Variants in ZNRF1 observed in about 807,000 individuals in gnomAD.
The protein encoded by ZNRF1 is E3 ubiquitin-protein ligase ZNRF1.
A neutral mutation model predicts 18.4 loss-of-function variants in ZNRF1; 3 were observed. That is an observed-to-expected ratio of 0.16 (90% confidence interval 0.07 to 0.42). ZNRF1 has a LOEUF of 0.42. ZNRF1 is among the 10% of genes least tolerant of loss of function. The pLI is 0.99. For missense variants in ZNRF1, 310 were observed against 329.8 expected (o/e 0.94, Z 0.47); for synonymous variants, 157 against 144.2 (o/e 1.09, Z -0.64).
In ZNRF1 at chr16:75,073,210, C is replaced by G. The variant is rs115395514; in HGVS notation, c.425-20362C>G. The stretch of plus-strand genomic sequence containing the variant: ...TACACACATAGATATGTATACGTAT[C>G]TATATACATAGATTTATATACATAA... On this transcript the variant is annotated intron_variant, in intron 1 of 4. Transcript: ENST00000335325. Among the ~76,000 whole-genome samples the G allele has an allele frequency of 1.3e-3, 199 of 150,576 alleles. 1 individual carries two copies. The highest frequency in any genetic ancestry group is 4.7e-3 in the African/African-American group (193 of 40,958).
rs373334453 is a variant in ZNRF1, at chr16:75,099,093, A to G, written c.520+5426A>G. ...GAGACGGGTGGTGTTTTCCAGCCCCAAGGGAAGACACCCTTATGGCCTGGT... is the reference window on the plus strand; with the variant it reads ...GAGACGGGTGGTGTTTTCCAGCCCCGAGGGAAGACACCCTTATGGCCTGGT... On this transcript the variant is annotated intron_variant, in intron 2 of 4. Transcript: ENST00000335325. 1.3e-4 allele frequency among the ~76,000 whole-genome samples: 20 copies of G among 152,280 alleles called. 2 individuals carry two copies. Among genetic ancestry groups the G allele is most frequent in the South Asian group, 1.0e-3 (5 of 4,820 alleles).
chr16:75,105,556 G>A (rs2036305747), intron 3 of ZNRF1: 1 of 152,570 alleles, frequency 6.6e-6, no homozygotes, highest in African/African-American at 2.4e-5. Context: ...GCCTTTCAAA[G>A]CCTGACTCTC....
intron 1 of ZNRF1, among the ~76,000 whole-genome samples, chr16:75,038,789 C>T (rs942420257): frequency 1.3e-5 from 2 of 152,132 alleles, no homozygotes; most frequent in African/African-American, 4.8e-5. Context: ...TTCCAGTGTG[C>T]AAGATGATGA....
intron 1 of ZNRF1, among the ~76,000 whole-genome samples, chr16:75,079,136 A>G (rs904694490): frequency 2.0e-5 from 3 of 152,218 alleles, no homozygotes; most frequent in African/African-American, 7.2e-5. Context: ...TAGGGAGCTT[A>G]GAATTCATGG....
chr16:75,088,563 G>T (rs1189224147), intron 1 of ZNRF1, among the ~76,000 whole-genome samples: 1 of 152,206 alleles, frequency 6.6e-6, no homozygotes, highest in Non-Finnish European at 1.5e-5. Flanking sequence ...ATAGCTGGTA[G>T]TATTTCTGTT....
chr16:75,082,528 A>C (rs572286677), intron 1 of ZNRF1, among the ~76,000 whole-genome samples: 1 of 152,222 alleles, frequency 6.6e-6, no homozygotes, highest in African/African-American at 2.4e-5. Flanking sequence ...AGATGTCTTC[A>C]CTTAGGCTCT....
intron 1 of ZNRF1, among the ~76,000 whole-genome samples, chr16:75,055,749 A>G (rs1011860002): frequency 6.6e-5 from 10 of 152,160 alleles, no homozygotes; most frequent in African/African-American, 2.4e-4. Context: ...TAGAGATTAA[A>G]GATCTTTGAT....
chr16:75,077,979 G>A (rs551063020), intron 1 of ZNRF1, among the ~76,000 whole-genome samples: 60 of 152,248 alleles, frequency 3.9e-4, no homozygotes, highest in East Asian at 1.5e-3. Flanking sequence ...AGTGCTTTTC[G>A]CCATGTAAGG....
In ZNRF1 at chr16:75,110,820, GTGGCTGGC is replaced by G. The variant is rs909617233; in HGVS notation, c.*3132_*3139del. 4.1e-4 allele frequency: 62 copies of G among 152,462 alleles called. No homozygotes were observed. The highest frequency in any genetic ancestry group is 1.0e-3 in the South Asian group (5 of 4,798). The allele number at this position is 152,462 out of a possible 1,614,324, so 9.4% of individuals were successfully genotyped here. On this transcript the variant is annotated 3_prime_UTR_variant, in exon 5 of 5. Transcript: ENST00000335325. ...GCAGGATTCTCGCCTGGAAGAGTGG[GTGGCTGGC>G]TGGCTGGCTGGAAGGGGAGGGGCGA...
chr16:75,005,731 T>A (rs1453010890), intron 1 of ZNRF1, among the ~76,000 whole-genome samples: 1 of 152,142 alleles, frequency 6.6e-6, no homozygotes, highest in Non-Finnish European at 1.5e-5. Context: ...TCGACAGCAG[T>A]AACTAATAAT....
intron 1 of ZNRF1, among the ~76,000 whole-genome samples, chr16:75,066,082 C>G (rs1047386189): frequency 1.3e-5 from 2 of 152,176 alleles, no homozygotes; most frequent in Non-Finnish European, 2.9e-5. Context: ...AACTCGTTTC[C>G]CATTCAATTC....
intron 1 of ZNRF1, among the ~76,000 whole-genome samples, chr16:75,007,050 A>G (rs1426181213): frequency 7.0e-6 from 1 of 142,912 alleles, no homozygotes; most frequent in African/African-American, 2.6e-5. Context: ...GCAAATAACC[A>G]AGTTTAATCT....
chr16:75,071,796 T>C (rs2035873913), intron 1 of ZNRF1, among the ~76,000 whole-genome samples: 1 of 152,110 alleles, frequency 6.6e-6, no homozygotes, highest in Admixed American at 6.5e-5. Flanking sequence ...TCCAACCACA[T>C]CATTATTCTT....
At chr16:75,043,748 G>A (rs959578509) in intron 1 of ZNRF1, among the ~76,000 whole-genome samples, 1 of 148,780 alleles carries the variant, frequency 6.7e-6, no homozygotes, top group Non-Finnish European at 1.5e-5. Flanking sequence ...GGTTTTCCAC[G>A]AAACCTGTTG....
intron 1 of ZNRF1, among the ~76,000 whole-genome samples, chr16:75,048,784 G>A (rs902517664): frequency 6.6e-6 from 1 of 152,110 alleles, no homozygotes; most frequent in African/African-American, 2.4e-5. Context: ...CTAGGCAAAG[G>A]TGATCTGTAG....
chr16:75,009,000 A>G (rs923117892), intron 1 of ZNRF1, among the ~76,000 whole-genome samples: 23 of 152,204 alleles, frequency 1.5e-4, no homozygotes, highest in African/African-American at 5.3e-4. Flanking sequence ...GAGAATATCA[A>G]AAGAAAAACT....
intron 1 of ZNRF1, chr16:75,046,985 T>C (rs1472148700): frequency 2.6e-5 from 4 of 152,268 alleles, no homozygotes; most frequent in African/African-American, 9.7e-5. Context: ...TGGATTTCTC[T>C]GTACTTGTAC....
At chr16:75,016,936 A>G (rs1369028385) in intron 1 of ZNRF1, among the ~76,000 whole-genome samples, 3 of 152,178 alleles carry the variant, frequency 2.0e-5, no homozygotes, top group African/African-American at 7.2e-5. Flanking sequence ...AGGGACAAAT[A>G]AGGGAATCCA....
chr16:75,089,129 G>T (rs540663367), intron 1 of ZNRF1, among the ~76,000 whole-genome samples: 1 of 152,092 alleles, frequency 6.6e-6, no homozygotes, highest in Non-Finnish European at 1.5e-5. Context: ...TTTAGACAGG[G>T]TCTCACTCTG....
Sources: allele counts gnomAD v4.1 joint callset (sites outside exome capture counted in the v4.1 genomes callset), GRCh38; gene constraint gnomAD v4.1.1; transcripts MANE v1.5; gene names NCBI Gene and HGNC (gene_info 2026-07-23, HGNC 2026-07-21).